The following NID1 variants were observed in gnomAD, a reference collection of about 807,000 sequenced individuals.
NID1 encodes the protein nidogen-1.
In NID1, 76 loss-of-function variants were observed where a neutral mutation model predicts 130.6. That is an observed-to-expected ratio of 0.58 (90% CI 0.48 to 0.70). The LOEUF (loss-of-function observed/expected upper bound fraction) is 0.70, where lower values mean the gene tolerates loss of function less well. NID1 is among the 30% of genes least tolerant of loss of function. The pLI is 0.00. For synonymous variants in NID1, 665 were observed against 675.1 expected (o/e 0.98, Z 0.23); for missense variants, 1,517 against 1,664.8 (o/e 0.91, Z 1.54).
At chr1:236,059,471 A>C (rs142503716) in intron 1 of NID1, among the ~76,000 whole-genome samples, 2 of 152,350 alleles carry the variant, frequency 1.3e-5, no homozygotes, top group East Asian at 3.9e-4. Flanking sequence ...TAGTTATCTC[A>C]TTAAACCTAG....
intron 12 of NID1, among the ~76,000 whole-genome samples, chr1:236,010,197 T>C (rs1658368501): frequency 6.6e-6 from 1 of 152,194 alleles, no homozygotes; most frequent in Admixed American, 6.5e-5. Flanking sequence ...TAGTGGTATT[T>C]GTTCCCATAA....
At chr1:236,038,692 TC>T in intron 4 of NID1, among the ~76,000 whole-genome samples, 1 of 126,594 alleles carries the variant, frequency 7.9e-6, no homozygotes, top group Admixed American at 8.7e-5. Context: ...GTTATATAGG[TC>T]ATATATAATA....
At chr1:236,022,259 C>T (rs1032135834) in intron 9 of NID1, among the ~76,000 whole-genome samples, 1 of 151,656 alleles carries the variant, frequency 6.6e-6, no homozygotes, top group Non-Finnish European at 1.5e-5. Context: ...AGAGTGAGAC[C>T]CTGTCTCAAA....
intron 2 of NID1, among the ~76,000 whole-genome samples, chr1:236,047,439 T>G (rs1659634409): frequency 6.6e-6 from 1 of 152,128 alleles, no homozygotes. Flanking sequence ...AGGCCTGTCC[T>G]AAAAAGTCAC....
rs201065095 is a variant in NID1 at position 236,064,841 on chromosome 1, C to CG, written c.225+13dup. 1.5e-3 allele frequency: 2,477 copies of CG among 1,605,060 alleles called. 30 individuals carry two copies. The African/African-American group carries it at 0.029, about 19-fold the overall frequency. On this transcript the variant is annotated intron_variant, in intron 1 of 19. Transcript: ENST00000264187. ...CCCTGCAGCCCCTCGCCCGCCCTCC[C>CG]GGGGCTCACTCACGTAGACTGCGTC...
rs1230812013 is a variant in NID1, at chr1:236,013,430, C to A, written c.2385G>T (p.Gly795=). Residue 795 remains glycine, a synonymous_variant, in exon 11 of 20, where the codon GGG becomes GGT. Coordinates refer to ENST00000264187, the MANE Select transcript of NID1 (RefSeq NM_002508.3). ...ACACACCTTGGCAGGCTTGGCCATC[C>A]CCAGAAAAGCCTGGCAAGCAGGAAC... ...YTCSCLPGFS[G]DGQACQDVDE... 1 of 1,613,802 alleles carries A rather than the reference C, an allele frequency of 6.2e-7. No individual in the cohort carries two copies. Among genetic ancestry groups the A allele is most frequent in the Non-Finnish European group, 8.5e-7 (1 of 1,180,004 alleles).
chr1:236,051,388 A>G (rs1314732198), intron 1 of NID1, among the ~76,000 whole-genome samples: 1 of 152,046 alleles, frequency 6.6e-6, no homozygotes, highest in Non-Finnish European at 1.5e-5. Flanking sequence ...AACTCTAAAC[A>G]TGCCAAAAAC....
At chr1:236,003,161 G>C (rs9726906) in intron 12 of NID1, among the ~76,000 whole-genome samples, 1 of 121,316 alleles carries the variant, frequency 8.2e-6, no homozygotes, top group African/African-American at 3.4e-5. Context: ...GTGAACGACT[G>C]GTAGTTGTCA....
At chr1:235,981,343 A>G (rs1430995825) in intron 16 of NID1, among the ~76,000 whole-genome samples, 1 of 152,234 alleles carries the variant, frequency 6.6e-6, no homozygotes, top group African/African-American at 2.4e-5. Flanking sequence ...TTGAAGCCAT[A>G]TGGAAAATAT....
At chr1:236,022,812 C>T (rs1359250855) in intron 9 of NID1, among the ~76,000 whole-genome samples, 3 of 151,200 alleles carry the variant, frequency 2.0e-5, no homozygotes, top group Non-Finnish European at 4.4e-5. Context: ...CCTGTAATCC[C>T]AGCACTTTGG....
chr1:236,053,778 G>C (rs940729343), intron 1 of NID1, among the ~76,000 whole-genome samples: 8 of 152,116 alleles, frequency 5.3e-5, no homozygotes, highest in Admixed American at 5.2e-4. Flanking sequence ...TCCAATATAG[G>C]GGACAGGCAG....
intron 1 of NID1, among the ~76,000 whole-genome samples, chr1:236,050,815 C>T (rs189425227): frequency 1.4e-4 from 22 of 152,254 alleles, no homozygotes; most frequent in Admixed American, 3.9e-4. Flanking sequence ...CAGAGGCTCA[C>T]GCCTGTAATC....
intron 5 of NID1, among the ~76,000 whole-genome samples, chr1:236,034,841 G>A (rs1221323793): frequency 6.6e-6 from 1 of 152,074 alleles, no homozygotes; most frequent in Admixed American, 6.6e-5. Flanking sequence ...AGGTTACATT[G>A]CATTGTTTAT....
At position 236,059,068 on chromosome 1, in the gene NID1, G is replaced by A. The variant is rs140269639; in HGVS notation, c.225+5787C>T. Among the ~76,000 whole-genome samples the A allele has an allele frequency of 4.6e-3, 706 of 152,310 alleles. 6 individuals are homozygous for A. The highest frequency in any genetic ancestry group is 0.016 in the African/African-American group (656 of 41,564). ...TCCCTCTTTTCGCATACTTGAAACAGACAAGGAAATGATGAGAGATTTTAA... is the reference window on the plus strand; with the variant it reads ...TCCCTCTTTTCGCATACTTGAAACAAACAAGGAAATGATGAGAGATTTTAA... On this transcript the variant is annotated intron_variant, in intron 1 of 19. Transcript: ENST00000264187.
At chr1:236,020,044 A>C (rs1352931694) in intron 9 of NID1, among the ~76,000 whole-genome samples, 1 of 134,634 alleles carries the variant, frequency 7.4e-6, no homozygotes, top group African/African-American at 2.6e-5. Context: ...CTTAAAAAAA[A>C]AAAAAAAAAA....
chr1:236,039,828 G>A (rs1200292834), intron 4 of NID1, among the ~76,000 whole-genome samples: 2 of 152,136 alleles, frequency 1.3e-5, no homozygotes, highest in Non-Finnish European at 1.5e-5. Flanking sequence ...AACTGAACAC[G>A]TGATGCCGCT....
At chr1:236,063,851 G>T (rs1572628806) in intron 1 of NID1, among the ~76,000 whole-genome samples, 1 of 152,274 alleles carries the variant, frequency 6.6e-6, no homozygotes, top group East Asian at 1.9e-4. Context: ...TGTGCAAAGG[G>T]GCCAGGGCAG....
intron 2 of NID1, among the ~76,000 whole-genome samples, chr1:236,046,489 A>T (rs1163189205): frequency 6.6e-6 from 1 of 152,106 alleles, no homozygotes; most frequent in Admixed American, 6.6e-5. Flanking sequence ...GTGGTTGGTC[A>T]AGGCCTCACG....
chr1:235,993,564 G>A, intron 13 of NID1, 81 bp downstream of exon 13: 2 of 1,236,440 alleles, frequency 1.6e-6, no homozygotes, highest in Non-Finnish European at 2.2e-6. Context: ...TCCAGCAGAA[G>A]AGCAAAGAGC....
Sources: gnomAD v4.1 joint callset for allele counts (sites outside exome capture counted in the v4.1 genomes callset) on GRCh38, gnomAD v4.1.1 for gene constraint, MANE v1.5 for transcripts, NCBI Gene and HGNC (gene_info 2026-07-23, HGNC 2026-07-21) for gene names.